Variants in ANK2 observed in about 807,000 individuals in gnomAD.
The protein encoded by ANK2 is ankyrin-2.
In ANK2, 83 loss-of-function variants were observed where a neutral mutation model predicts 360.5. That is an observed-to-expected ratio of 0.23 (90% CI 0.19 to 0.28). The LOEUF (loss-of-function observed/expected upper bound fraction) is 0.28, where lower values mean the gene tolerates loss of function less well. ANK2 is among the 10% of genes least tolerant of loss of function. The probability of loss-of-function intolerance (pLI) is 1.00; values close to 1 mark genes in which losing one functional copy is unlikely to be tolerated. For missense variants in ANK2, 4,201 were observed against 4,795.7 expected, an observed-to-expected ratio of 0.88 and a Z score of 3.66; for synonymous variants, 1,740 against 1,759.5, an observed-to-expected ratio of 0.99 and a Z score of 0.28.
chr4:113,367,331 C>T (rs1035383536), intron 41 of ANK2, among the ~76,000 whole-genome samples: 4 of 152,010 alleles, frequency 2.6e-5, no homozygotes, highest in Non-Finnish European at 5.9e-5. Flanking sequence ...TGACTGGCAC[C>T]TATGACCCAG....
intron 23 of ANK2, among the ~76,000 whole-genome samples, chr4:113,306,157 G>A (rs1328229364): frequency 1.3e-5 from 2 of 152,182 alleles, no homozygotes; most frequent in Non-Finnish European, 2.9e-5. Context: ...CCTATATGGA[G>A]AAATAATGTA....
In ANK2 at chr4:113,358,749, G is replaced by T; in HGVS notation, c.10131G>T (p.Gln3377His). The T allele has an allele frequency of 1.9e-6, 3 of 1,614,062 alleles. No individual in the cohort carries two copies. The highest frequency in any genetic ancestry group is 2.5e-6 in the Non-Finnish European group (3 of 1,179,968). The change falls in exon 38 of 46, where the codon CAG (glutamine) becomes CAT (histidine). Residue 3377 changes from glutamine (Q) to histidine (H), a missense_variant. Physicochemically the swap from Gln to His is conservative, Grantham distance 24. This residue lies in a region of ANK2 where 2,642 missense variants were observed against 2,714.5 expected (regional missense o/e 0.97). Coordinates refer to ENST00000357077, the MANE Select transcript of ANK2 (RefSeq NM_001148.6). ...AGAAGACAGTGGCTCCTCAGGGACA[G>T]GACATGGCAAGCATCGCACCAGATA... Reference protein sequence around the residue: ...SVQKTVAPQGQDMASIAPDNR... With the variant: ...SVQKTVAPQGHDMASIAPDNR...
chr4:112,814,356 T>C (rs2055492269), upstream of ANK2, among the ~76,000 whole-genome samples: 1 of 152,172 alleles, frequency 6.6e-6, no homozygotes, highest in Admixed American at 6.5e-5. Flanking sequence ...GAAGCATCTA[T>C]ATAGTTTCAT....
chr4:113,196,345 G>A, intron 2 of ANK2, 23 bp from the exon 3 acceptor site: 1 of 1,597,000 alleles, frequency 6.3e-7, no homozygotes, highest in African/African-American at 1.3e-5. Flanking sequence ...ACTTCTTAAA[G>A]CCTTGTTTGT....
intron 2 of ANK2, among the ~76,000 whole-genome samples, chr4:112,948,061 C>A (rs1478052279): frequency 6.6e-6 from 1 of 152,156 alleles, no homozygotes; most frequent in African/African-American, 2.4e-5. Context: ...ACATGCAAAC[C>A]CACAATTATC....
At chr4:112,748,500 C>T in the ANK2 span, among the ~76,000 whole-genome samples, 1 of 152,158 alleles carries the variant, frequency 6.6e-6, no homozygotes, top group Admixed American at 6.5e-5. Context: ...TTATTTTCAC[C>T]TTTACCTGAT....
At chr4:112,743,165 T>A in the ANK2 span, among the ~76,000 whole-genome samples, 4 of 152,198 alleles carry the variant, frequency 2.6e-5, no homozygotes, top group Non-Finnish European at 4.4e-5. Flanking sequence ...ATTTTAATGG[T>A]GTTTTATATA....
intron 1 of ANK2, among the ~76,000 whole-genome samples, chr4:112,841,102 C>T (rs2061993544): frequency 6.6e-6 from 1 of 152,170 alleles, no homozygotes; most frequent in Non-Finnish European, 1.5e-5. Flanking sequence ...ACACCCTTCC[C>T]TTTGCTGTTA....
At chr4:112,730,636 CAAA>C in the ANK2 span, among the ~76,000 whole-genome samples, 3 of 57,952 alleles carry the variant, frequency 5.2e-5, no homozygotes, top group African/African-American at 6.8e-5. Context: ...GACTCCATCT[CAAA>C]AAAAAAAAAA....
Position 113,341,874 on chromosome 4 carries a change from A to T in ANK2, c.4080A>T (p.Gln1360His), listed in dbSNP as rs1284679777. 4 of 1,614,010 alleles carry T rather than the reference A, an allele frequency of 2.5e-6. No individual in the cohort carries two copies. Among genetic ancestry groups the T allele is most frequent in the Non-Finnish European group, 2.5e-6 (3 of 1,180,024 alleles). Residue 1360 changes from glutamine to histidine, a missense_variant, in exon 33 of 46, where the codon CAA becomes CAT. Transcript: ENST00000357077. ...TDDKVDKTLEQQENFAEVARS... is the reference protein window; with the variant it reads ...TDDKVDKTLEHQENFAEVARS... ...ATAAAGTGGATAAGACCCTTGAACA[A>T]CAAGAAAATTTTGCTGAGGTGGCCA...
chr4:113,333,501 A>G (rs2092942279), intron 29 of ANK2, among the ~76,000 whole-genome samples: 1 of 152,184 alleles, frequency 6.6e-6, no homozygotes, highest in Non-Finnish European at 1.5e-5. Flanking sequence ...TTTTTAGTGT[A>G]AACTTTTTTG....
At chr4:113,039,271 G>T (rs983328607) in intron 2 of ANK2, among the ~76,000 whole-genome samples, 1 of 151,528 alleles carries the variant, frequency 6.6e-6, no homozygotes, top group Non-Finnish European at 1.5e-5. Context: ...TTTTATGTTC[G>T]TATTATCTTT....
At chr4:112,937,297 T>C (rs2093827827) in intron 2 of ANK2, among the ~76,000 whole-genome samples, 2 of 151,688 alleles carry the variant, frequency 1.3e-5, no homozygotes, top group Admixed American at 6.6e-5. Context: ...TATGTGAGTA[T>C]AGAATTTCTT....
At chr4:113,276,034 C>T (rs183053418) in intron 15 of ANK2, among the ~76,000 whole-genome samples, 153 of 151,334 alleles carry the variant, frequency 1.0e-3, no homozygotes, top group Non-Finnish European at 1.9e-3. Context: ...CTCTGCCTCC[C>T]GGGTTCAAGC....
intron 4 of ANK2, among the ~76,000 whole-genome samples, chr4:113,206,171 T>C (rs2098944900): frequency 6.6e-6 from 1 of 152,176 alleles, no homozygotes; most frequent in Non-Finnish European, 1.5e-5. Context: ...CCATGGTGGT[T>C]TGCTGCACCT....
intron 2 of ANK2, among the ~76,000 whole-genome samples, chr4:113,020,605 A>T (rs920431969): frequency 1.3e-5 from 2 of 152,108 alleles, no homozygotes. Flanking sequence ...AGGTGGGTGG[A>T]TCTCTTGAGG....
At chr4:113,331,765 A>C (rs1434366027) in intron 27 of ANK2, among the ~76,000 whole-genome samples, 1 of 152,052 alleles carries the variant, frequency 6.6e-6, no homozygotes, top group Admixed American at 6.5e-5. Context: ...CGGACAGCTA[A>C]GTGCTCTCCT....
intron 24 of ANK2, among the ~76,000 whole-genome samples, chr4:113,316,865 C>T (rs1006034160): frequency 1.3e-5 from 2 of 152,184 alleles, no homozygotes; most frequent in African/African-American, 4.8e-5. Flanking sequence ...TTTATCAAGG[C>T]CTAAATCCCA....
At chr4:112,827,220 A>G (rs1006656459) in intron 1 of ANK2, 14 of 1,094,260 alleles carry the variant, frequency 1.3e-5, no homozygotes, top group Middle Eastern at 4.3e-4. Flanking sequence ...AGCTGGATCA[A>G]TTGGAGAAGC....
Sources: gnomAD v4.1 joint callset for allele counts (sites outside exome capture counted in the v4.1 genomes callset) on GRCh38, gnomAD v4.1.1 for gene constraint, gnomAD v4.1.1 regional missense constraint, MANE v1.5 for transcripts, NCBI Gene and HGNC (gene_info 2026-07-23, HGNC 2026-07-21) for gene names.